Variants in LRP1B observed in about 807,000 individuals in gnomAD.
LRP1B encodes low-density lipoprotein receptor-related protein 1B.
A neutral mutation model predicts 556.6 loss-of-function variants in LRP1B; 217 were observed. The observed-to-expected ratio is 0.39, with a 90% CI of 0.35 to 0.44. The LOEUF (loss-of-function observed/expected upper bound fraction) is 0.44, where lower values mean the gene tolerates loss of function less well. Ranked by LOEUF, LRP1B falls within the 20% of genes least tolerant of loss-of-function variation. The pLI is 1.00. For synonymous variants in LRP1B, 2,047 were observed against 1,865.8 expected, an observed-to-expected ratio of 1.10 and a Z score of -2.50; for missense variants, 5,053 against 5,620.8, an observed-to-expected ratio of 0.90 and a Z score of 3.23.
chr2:140,624,410 C>T (rs1168679751), intron 41 of LRP1B, among the ~76,000 whole-genome samples: 1 of 152,148 alleles, frequency 6.6e-6, no homozygotes, highest in African/African-American at 2.4e-5. Context: ...ACCTGACACT[C>T]AGCAATTATT....
At chr2:140,398,734 G>A (rs559379271) in intron 66 of LRP1B, among the ~76,000 whole-genome samples, 9 of 152,148 alleles carry the variant, frequency 5.9e-5, no homozygotes, top group African/African-American at 2.2e-4. Flanking sequence ...CTTTGAACAC[G>A]AAAACTGTAT....
intron 1 of LRP1B, among the ~76,000 whole-genome samples, chr2:142,088,972 C>T (rs1706054920): frequency 2.6e-5 from 1 of 39,018 alleles, no homozygotes; most frequent in South Asian, 1.3e-3. Context: ...AAGGCTCCGT[C>T]TCAAAAAAAA....
At chr2:142,060,298 T>A (rs1704856958) in intron 1 of LRP1B, among the ~76,000 whole-genome samples, 1 of 152,018 alleles carries the variant, frequency 6.6e-6, no homozygotes, top group African/African-American at 2.4e-5. Flanking sequence ...TAAACCTGCA[T>A]GCTTTTGTGA....
At chr2:141,007,789 A>G (rs886124608) in intron 14 of LRP1B, among the ~76,000 whole-genome samples, 3 of 151,744 alleles carry the variant, frequency 2.0e-5, no homozygotes, top group Non-Finnish European at 4.4e-5. Flanking sequence ...ATACTCCTTA[A>G]TTCAGTGGTA....
chr2:141,804,124 A>G (rs1393720874), intron 2 of LRP1B, among the ~76,000 whole-genome samples: 1 of 152,066 alleles, frequency 6.6e-6, no homozygotes, highest in East Asian at 1.9e-4. Context: ...GGCCTTCCAT[A>G]ATTTTCAAAT....
At chr2:141,065,395 GATA>G (rs1699452269) in intron 7 of LRP1B, among the ~76,000 whole-genome samples, 1 of 151,922 alleles carries the variant, frequency 6.6e-6, no homozygotes, top group Non-Finnish European at 1.5e-5. Context: ...CCTTTTGACA[GATA>G]ATGTTCTTTA....
At chr2:141,612,747 G>C (rs138124968) in intron 2 of LRP1B, among the ~76,000 whole-genome samples, 2 of 152,214 alleles carry the variant, frequency 1.3e-5, no homozygotes, top group Middle Eastern at 3.4e-3. Flanking sequence ...TTTCGCCTTC[G>C]CATCACTCAG....
intron 15 of LRP1B, among the ~76,000 whole-genome samples, chr2:141,001,027 T>A (rs1697405631): frequency 1.3e-5 from 2 of 152,038 alleles, no homozygotes; most frequent in African/African-American, 2.4e-5. Context: ...CTAATTATGA[T>A]CCACATAACC....
chr2:141,876,584 A>G (rs2053172), intron 1 of LRP1B, among the ~76,000 whole-genome samples: 20,170 of 151,850 alleles, frequency 0.13, 1,588 homozygotes, highest in Non-Finnish European at 0.18. Context: ...TTAGTTCTAG[A>G]CACTCTTTAC....
intron 1 of LRP1B, among the ~76,000 whole-genome samples, chr2:141,974,815 C>A (rs1387030355): frequency 6.6e-6 from 1 of 152,014 alleles, no homozygotes; most frequent in African/African-American, 2.4e-5. Flanking sequence ...TAAGCCCTGG[C>A]TATTAATGAT....
intron 2 of LRP1B, among the ~76,000 whole-genome samples, chr2:141,571,741 C>T (rs1686537630): frequency 1.3e-5 from 2 of 152,054 alleles, no homozygotes; most frequent in South Asian, 4.1e-4. Context: ...CATAAACGAC[C>T]TGATGGTGCT....
chr2:140,344,715 G>C (rs1180036890), intron 77 of LRP1B, among the ~76,000 whole-genome samples: 6 of 151,768 alleles, frequency 4.0e-5, no homozygotes. Context: ...GAAAAACAAA[G>C]TAAGCAGTTG....
At chr2:140,471,060 A>G (rs1687748063) in intron 60 of LRP1B, among the ~76,000 whole-genome samples, 1 of 152,198 alleles carries the variant, frequency 6.6e-6, no homozygotes, top group African/African-American at 2.4e-5. Flanking sequence ...ATATGGACCT[A>G]CAAGAAGAAT....
intron 2 of LRP1B, among the ~76,000 whole-genome samples, chr2:141,587,239 T>A (rs1262152212): frequency 6.6e-6 from 1 of 152,164 alleles, no homozygotes; most frequent in African/African-American, 2.4e-5. Flanking sequence ...ATCTACCAGA[T>A]GTATAGATAG....
chr2:142,025,148 C>T (rs891232270), intron 1 of LRP1B, among the ~76,000 whole-genome samples: 5 of 152,058 alleles, frequency 3.3e-5, no homozygotes, highest in African/African-American at 9.7e-5. Flanking sequence ...TCTAACTCTC[C>T]TCTTTCCCTC....
chr2:140,548,288 A>G (rs1204283656), intron 43 of LRP1B, among the ~76,000 whole-genome samples: 1 of 152,188 alleles, frequency 6.6e-6, no homozygotes, highest in Non-Finnish European at 1.5e-5. Flanking sequence ...CAGCAAATGT[A>G]TCAAGCTTAC....
At chr2:140,337,250 T>A (rs1039629763) in intron 77 of LRP1B, among the ~76,000 whole-genome samples, 6 of 151,878 alleles carry the variant, frequency 4.0e-5, no homozygotes, top group Non-Finnish European at 8.8e-5. Flanking sequence ...TTTGACCTAT[T>A]GGACTTTAAA....
At chr2:140,922,390 ACCCTCAAATCAAAGCTTTAAATGG>A (rs1694763745) in intron 21 of LRP1B, among the ~76,000 whole-genome samples, 1 of 151,942 alleles carries the variant, frequency 6.6e-6, no homozygotes, top group South Asian at 2.1e-4. Flanking sequence ...AGCCCCAATG[ACCCTCAAATCAAAGCTTTAAATGG>A]CAGTCAGCAT....
At chr2:141,713,168 G>A (rs1692432290) in intron 2 of LRP1B, among the ~76,000 whole-genome samples, 3 of 151,192 alleles carry the variant, frequency 2.0e-5, no homozygotes, top group African/African-American at 7.3e-5. Flanking sequence ...GATTAGGGGT[G>A]TGAGCCACCA....
Sources: gnomAD v4.1 joint callset for allele counts (sites outside exome capture counted in the v4.1 genomes callset) on GRCh38, gnomAD v4.1.1 for gene constraint, MANE v1.5 for transcripts, NCBI Gene and HGNC (gene_info 2026-07-23, HGNC 2026-07-21) for gene names.